DGKI: variants seen among roughly 807,000 people sequenced by gnomAD.
DGKI encodes diacylglycerol kinase iota.
DGKI carries 55 observed loss-of-function variants against 147.5 expected under a neutral mutation model. The ratio of observed to expected loss-of-function variants is 0.37; its 90% CI spans 0.30 to 0.47. DGKI has a LOEUF of 0.47. Among genes scored for constraint, DGKI ranks in the 20% least tolerant of loss-of-function variants. The probability of loss-of-function intolerance (pLI) is 1.00; values close to 1 mark genes in which losing one functional copy is unlikely to be tolerated. For missense variants in DGKI, 1,007 were observed against 1,323.8 expected, an observed-to-expected ratio of 0.76 and a Z score of 3.71; for synonymous variants, 469 against 477.1, an observed-to-expected ratio of 0.98 and a Z score of 0.22.
At chr7:137,722,868 T>C (rs1365190019) in intron 1 of DGKI, 8 of 918,018 alleles carry the variant, frequency 8.7e-6, no homozygotes, top group Non-Finnish European at 1.3e-5. Flanking sequence ...CTTAAGAACT[T>C]AATTAAATAG....
intron 20 of DGKI, among the ~76,000 whole-genome samples, chr7:137,544,242 T>A (rs1435268324): frequency 6.6e-6 from 1 of 152,156 alleles, no homozygotes; most frequent in Non-Finnish European, 1.5e-5. Context: ...TCATATGCAT[T>A]TCTGCTGTTA....
intron 24 of DGKI, 138 bp from the exon 25 acceptor site, chr7:137,467,080 T>A: frequency 1.3e-6 from 1 of 774,980 alleles, no homozygotes; most frequent in Non-Finnish European, 2.1e-6. Flanking sequence ...CTAAATCTAT[T>A]AAGAAAACCT....
intron 28 of DGKI, among the ~76,000 whole-genome samples, chr7:137,430,700 AT>A (rs963607369): frequency 6.6e-6 from 1 of 152,112 alleles, no homozygotes; most frequent in African/African-American, 2.4e-5. Context: ...GGTAAAAGAA[AT>A]TTTCCAAAAA....
intron 15 of DGKI, 81 bp from the exon 16 acceptor site, chr7:137,578,406 A>G: frequency 1.0e-6 from 1 of 955,996 alleles, no homozygotes; most frequent in Non-Finnish European, 1.7e-6. Context: ...CTTCCTCCCC[A>G]GCTCCCTCCT....
chr7:137,789,972 T>C (rs1309961106), intron 1 of DGKI, among the ~76,000 whole-genome samples: 2 of 152,146 alleles, frequency 1.3e-5, no homozygotes, highest in East Asian at 3.8e-4. Flanking sequence ...TGTTAATCTA[T>C]AGCAAGGATT....
At chr7:137,411,721 T>A (rs1018163792) in intron 29 of DGKI, among the ~76,000 whole-genome samples, 2 of 152,138 alleles carry the variant, frequency 1.3e-5, no homozygotes, top group Non-Finnish European at 2.9e-5. Context: ...TCCAAGGGGA[T>A]CAGGGTTCTT....
intron 1 of DGKI, among the ~76,000 whole-genome samples, chr7:137,744,601 T>A (rs1471878872): frequency 6.6e-6 from 1 of 151,998 alleles, no homozygotes; most frequent in Non-Finnish European, 1.5e-5. Context: ...AAAATAAAAC[T>A]ATAGGCCAAT....
chr7:137,472,288 G>GTATATACATTAAATATTA (rs1161207418), intron 23 of DGKI, among the ~76,000 whole-genome samples: 1 of 23,628 alleles, frequency 4.2e-5, no homozygotes, highest in Non-Finnish European at 9.6e-5. Flanking sequence ...AATATTATAT[G>GTATATACATTAAATATTA]TATGTGTATA....
chr7:137,512,295 A>G (rs1816605863), intron 21 of DGKI, among the ~76,000 whole-genome samples: 1 of 152,220 alleles, frequency 6.6e-6, no homozygotes, highest in African/African-American at 2.4e-5. Context: ...GCCAGTGTAT[A>G]CAACAGCCCT....
chr7:137,817,841 G>A lies in DGKI; in HGVS notation c.401+28621C>T, dbSNP rs139439313. On this transcript the variant is annotated intron_variant, in intron 1 of 32. Coordinates refer to ENST00000614521, the MANE Select transcript of DGKI (RefSeq NM_001321708.2). ...CCCGTTCTTACCCAGTCTTTAATAT[G>A]CCACATCTGTTTTATTCCTATGCAT... Among the ~76,000 whole-genome samples the A allele has an allele frequency of 5.1e-3, 783 of 152,276 alleles. 7 individuals carry two copies. The highest frequency in any genetic ancestry group is 0.018 in the African/African-American group (754 of 41,546).
At chr7:137,833,740 G>T (rs573143500) in intron 1 of DGKI, among the ~76,000 whole-genome samples, 6 of 152,262 alleles carry the variant, frequency 3.9e-5, no homozygotes, top group South Asian at 2.1e-4. Context: ...TCATACACTT[G>T]CCCCAAGATG....
chr7:137,600,036 C>T, intron 10 of DGKI, 131 bp from the exon 11 acceptor site: 2 of 772,390 alleles, frequency 2.6e-6, no homozygotes, highest in Middle Eastern at 3.6e-4. Context: ...GTAATCCCAG[C>T]ACCTTGGAAG....
chr7:137,536,634 G>T (rs531563242), intron 20 of DGKI, among the ~76,000 whole-genome samples: 1 of 152,248 alleles, frequency 6.6e-6, no homozygotes, highest in South Asian at 2.1e-4. Flanking sequence ...AGGACCAACT[G>T]CAGTTTTTAA....
chr7:137,418,600 A>G (rs1463657839), intron 28 of DGKI, among the ~76,000 whole-genome samples: 1 of 152,178 alleles, frequency 6.6e-6, no homozygotes, highest in Non-Finnish European at 1.5e-5. Context: ...CACAACTCTG[A>G]ACACTTATGT....
intron 20 of DGKI, among the ~76,000 whole-genome samples, chr7:137,539,991 G>A (rs1183504199): frequency 6.6e-6 from 1 of 152,084 alleles, no homozygotes; most frequent in African/African-American, 2.4e-5. Context: ...TAGATGAAAT[G>A]GACCAATTCC....
chr7:137,781,336 T>C (rs1199038269), intron 1 of DGKI, among the ~76,000 whole-genome samples: 1 of 152,130 alleles, frequency 6.6e-6, no homozygotes, highest in East Asian at 1.9e-4. Context: ...GGGGGGAGGG[T>C]ATGTTCTTTT....
rs10541603 is a variant in DGKI at position 137,643,290 on chromosome 7, C to CAA, written c.804+2180_804+2181dup. Among the ~76,000 whole-genome samples, 172 of 61,670 alleles carry CAA rather than the reference C, an allele frequency of 2.8e-3. 16 individuals are homozygous for CAA. Among genetic ancestry groups the CAA allele is most frequent in the African/African-American group, 6.8e-3 (94 of 13,924 alleles). The allele number at this position is 61,670 out of a possible 152,430, so 40.5% of individuals were successfully genotyped here. On this transcript the variant is annotated intron_variant, in intron 6 of 32. Transcript: ENST00000614521. The stretch of plus-strand genomic sequence containing the variant: ...TGGGAGACACAGCGAGACTCCGTCT[C>CAA]AAAAAAAAAAAAAAAAAAAAAAAAA...
At chr7:137,629,215 A>G (rs1040093473) in intron 6 of DGKI, among the ~76,000 whole-genome samples, 1 of 151,272 alleles carries the variant, frequency 6.6e-6, no homozygotes, top group African/African-American at 2.4e-5. Context: ...AATACTTCCT[A>G]TGATTTTTGA....
chr7:137,575,167 T>G (rs6969358), intron 17 of DGKI, among the ~76,000 whole-genome samples: 5,879 of 152,346 alleles, frequency 0.039, 248 homozygotes, highest in South Asian at 0.1. Context: ...CAAAGTCATA[T>G]ACCTAGCAAA....
Sources: gnomAD v4.1 joint callset for allele counts (sites outside exome capture counted in the v4.1 genomes callset) on GRCh38, gnomAD v4.1.1 for gene constraint, MANE v1.5 for transcripts, NCBI Gene and HGNC (gene_info 2026-07-23, HGNC 2026-07-21) for gene names.